Variants in ERBB4 observed in about 807,000 individuals in gnomAD.
The protein encoded by ERBB4 is receptor tyrosine-protein kinase erbB-4.
Under a neutral mutation model 158.0 loss-of-function variants are expected in ERBB4, and 42 were observed. That is an observed-to-expected ratio of 0.27 (90% CI 0.21 to 0.34). The LOEUF is 0.34. Ranked by LOEUF, ERBB4 falls within the 10% of genes least tolerant of loss-of-function variation. ERBB4 has a pLI of 1.00. For synonymous variants in ERBB4, 583 were observed against 558.7 expected (o/e 1.04, Z -0.61); for missense variants, 1,333 against 1,624.1 (o/e 0.82, Z 3.08).
rs369213771 is a variant in ERBB4, at chr2:211,995,652, G to A, written c.235-48036C>T. On this transcript the variant is annotated intron_variant, in intron 2 of 27. Coordinates refer to ENST00000342788, the MANE Select transcript of ERBB4 (RefSeq NM_005235.3). Reference sequence around the variant, plus strand: ...ATTCCTAATAATTATTCAATGTGTCGTGCTTTTCATAGGCTCTTGCGCATT... The same window carrying A: ...ATTCCTAATAATTATTCAATGTGTCATGCTTTTCATAGGCTCTTGCGCATT... 3.4e-4 allele frequency among the ~76,000 whole-genome samples: 51 copies of A among 152,140 alleles called. No homozygotes were observed. The South Asian group carries it at 8.3e-3, about 25-fold the overall frequency.
rs1360812171 is a variant in ERBB4 at position 212,453,667 on chromosome 2, GTCTTTTGT to G, written c.82+84774_82+84781del. ...GTTTCCATATGATTATTACACCAGGGTCTTTTGTTATTGTTGTTATTTTAAAATTTTAA... is the reference window on the plus strand; with the variant it reads ...GTTTCCATATGATTATTACACCAGGGTATTGTTGTTATTTTAAAATTTTAA... On this transcript the variant is annotated intron_variant, in intron 1 of 27. Transcript: ENST00000342788. Among the ~76,000 whole-genome samples, 3 of 152,098 alleles carry G rather than the reference GTCTTTTGT, an allele frequency of 2.0e-5. No homozygotes were observed. In the East Asian group the frequency reaches 5.8e-4, roughly 29 times the overall value.
chr2:212,153,750 C>T (rs375741619), intron 1 of ERBB4, among the ~76,000 whole-genome samples: 12 of 152,222 alleles, frequency 7.9e-5, no homozygotes, highest in African/African-American at 2.9e-4. Flanking sequence ...ATGCCTTCTA[C>T]CATATATTTT....
intron 25 of ERBB4, among the ~76,000 whole-genome samples, chr2:211,398,793 T>C (rs976706674): frequency 6.6e-6 from 1 of 152,198 alleles, no homozygotes; most frequent in African/African-American, 2.4e-5. Flanking sequence ...ATTGCGCCAC[T>C]GCACTCCAGC....
chr2:211,982,349 G>T (rs2081824214), intron 2 of ERBB4, among the ~76,000 whole-genome samples: 1 of 152,084 alleles, frequency 6.6e-6, no homozygotes, highest in Admixed American at 6.6e-5. Flanking sequence ...AGGCTGCCTT[G>T]AGAAAGTGAT....
At chr2:211,445,522 G>A (rs1219910625) in intron 20 of ERBB4, among the ~76,000 whole-genome samples, 1 of 152,076 alleles carries the variant, frequency 6.6e-6, no homozygotes, top group Non-Finnish European at 1.5e-5. Context: ...CAAAGACAGA[G>A]TGTTATTTCT....
chr2:212,160,432 A>C (rs906216298), intron 1 of ERBB4, among the ~76,000 whole-genome samples: 1 of 152,034 alleles, frequency 6.6e-6, no homozygotes, highest in African/African-American at 2.4e-5. Context: ...AACTCTATCC[A>C]CAAGTCCTCC....
At chr2:211,420,670 G>T in intron 24 of ERBB4, 59 bp from the exon 25 acceptor site, 2 of 1,383,000 alleles carry the variant, frequency 1.4e-6, no homozygotes, top group Non-Finnish European at 2.0e-6. Context: ...TAAATATGTG[G>T]TCTCTGCAAT....
intron 20 of ERBB4, among the ~76,000 whole-genome samples, chr2:211,547,595 G>A (rs1269315194): frequency 6.6e-6 from 1 of 152,048 alleles, no homozygotes; most frequent in Non-Finnish European, 1.5e-5. Context: ...AGATATGCCA[G>A]TCCTCCTACT....
At chr2:212,400,898 C>G (rs2091184745) in intron 1 of ERBB4, among the ~76,000 whole-genome samples, 1 of 152,104 alleles carries the variant, frequency 6.6e-6, no homozygotes, top group Admixed American at 6.6e-5. Flanking sequence ...AAACTCTTCT[C>G]AAAATTAATT....
At chr2:211,678,537 C>G (rs1050672245) in intron 13 of ERBB4, among the ~76,000 whole-genome samples, 1 of 152,152 alleles carries the variant, frequency 6.6e-6, no homozygotes, top group African/African-American at 2.4e-5. Flanking sequence ...CAATAGTAAA[C>G]TATGTATTTG....
At chr2:211,667,227 A>T (rs1238660419) in intron 14 of ERBB4, among the ~76,000 whole-genome samples, 1 of 152,182 alleles carries the variant, frequency 6.6e-6, no homozygotes, top group African/African-American at 2.4e-5. Flanking sequence ...GTCCTACACA[A>T]ATGTTAATCC....
intron 1 of ERBB4, among the ~76,000 whole-genome samples, chr2:212,517,757 A>G (rs1462372106): frequency 1.3e-5 from 2 of 152,108 alleles, no homozygotes; most frequent in Non-Finnish European, 1.5e-5. Context: ...CTATTTTTTA[A>G]TGAAAAAAGT....
chr2:211,622,453 A>G (rs2069640271), intron 18 of ERBB4, among the ~76,000 whole-genome samples: 1 of 152,172 alleles, frequency 6.6e-6, no homozygotes, highest in African/African-American at 2.4e-5. Context: ...CTGCATTTTG[A>G]CCTTAGAATA....
chr2:211,943,549 C>T (rs1306107171), intron 3 of ERBB4, among the ~76,000 whole-genome samples: 1 of 152,030 alleles, frequency 6.6e-6, no homozygotes, highest in Non-Finnish European at 1.5e-5. Context: ...AACCTCTCCA[C>T]TGGCAAGAAG....
At chr2:211,643,842 T>C (rs767163316) in intron 16 of ERBB4, among the ~76,000 whole-genome samples, 11 of 152,056 alleles carry the variant, frequency 7.2e-5, no homozygotes, top group Non-Finnish European at 1.3e-4. Flanking sequence ...TGTCTCTGAA[T>C]TGTGGAATTA....
chr2:212,429,365 A>C (rs1474324212), intron 1 of ERBB4: 1 of 152,334 alleles, frequency 6.6e-6, no homozygotes, highest in African/African-American at 2.4e-5. Context: ...AATCATCCAC[A>C]CAGGCCAGCT....
At chr2:211,629,021 G>GT (rs1463741389) in intron 17 of ERBB4, among the ~76,000 whole-genome samples, 35 of 151,768 alleles carry the variant, frequency 2.3e-4, no homozygotes, top group Admixed American at 2.2e-3. Context: ...GGGGTTGTTT[G>GT]TTTTTTTTCT....
At chr2:211,673,528 A>AAAAAAAAAAAAAAAAAAAAAC (rs1432231391) in intron 13 of ERBB4, among the ~76,000 whole-genome samples, 1 of 149,772 alleles carries the variant, frequency 6.7e-6, no homozygotes, top group Non-Finnish European at 1.5e-5. Context: ...AAAAAAAAAA[A>AAAAAAAAAAAAAAAAAAAAAC]AAGCTACAAA....
intron 2 of ERBB4, among the ~76,000 whole-genome samples, chr2:212,094,272 T>A (rs960090135): frequency 2.0e-5 from 3 of 149,282 alleles, no homozygotes; most frequent in Admixed American, 6.7e-5. Context: ...AAAATAATAA[T>A]AATAAAATAA....
Sources: allele counts gnomAD v4.1 joint callset (sites outside exome capture counted in the v4.1 genomes callset), GRCh38; gene constraint gnomAD v4.1.1; transcripts MANE v1.5; gene names NCBI Gene and HGNC (gene_info 2026-07-23, HGNC 2026-07-21).